Variants in VTI1A observed in about 807,000 individuals in gnomAD.
The protein encoded by VTI1A is vesicle transport through interaction with t-SNAREs homolog 1A.
VTI1A carries 22 observed loss-of-function variants against 34.9 expected under a neutral mutation model. That is an observed-to-expected ratio of 0.63 (90% CI 0.45 to 0.90). The LOEUF is 0.90. VTI1A is among the 40% of genes least tolerant of loss of function. The probability of loss-of-function intolerance (pLI) is 0.00; values close to 1 mark genes in which losing one functional copy is unlikely to be tolerated. For synonymous variants in VTI1A, 87 were observed against 97.3 expected (o/e 0.89, Z 0.62); for missense variants, 268 against 275.6 (o/e 0.97, Z 0.20).
At chr10:112,453,384 A>G (rs1169844788) in intron 1 of VTI1A, among the ~76,000 whole-genome samples, 1 of 152,226 alleles carries the variant, frequency 6.6e-6, no homozygotes, top group East Asian at 1.9e-4. Flanking sequence ...TGCATAGCCT[A>G]TACTTAAGGA....
At chr10:112,830,849 A>ATATATATATTTTTTTT in the VTI1A span, among the ~76,000 whole-genome samples, 19 of 33,490 alleles carry the variant, frequency 5.7e-4, no homozygotes, top group African/African-American at 2.2e-3. Flanking sequence ...ATATATATAT[A>ATATATATATTTTTTTT]TTTTTTTTTT....
chr10:112,689,019 A>G (rs1185792090), intron 7 of VTI1A, among the ~76,000 whole-genome samples: 2 of 152,160 alleles, frequency 1.3e-5, no homozygotes, highest in African/African-American at 2.4e-5. Flanking sequence ...TCAGCCTGGT[A>G]TTTAAGAGCA....
At chr10:112,732,863 T>C (rs992828476) in intron 7 of VTI1A, among the ~76,000 whole-genome samples, 4 of 152,194 alleles carry the variant, frequency 2.6e-5, no homozygotes, top group East Asian at 3.9e-4. Flanking sequence ...CCCTCTGATA[T>C]GTTTTCACAT....
intron 7 of VTI1A, among the ~76,000 whole-genome samples, chr10:112,724,895 C>G (rs899910467): frequency 1.3e-5 from 2 of 151,940 alleles, no homozygotes; most frequent in African/African-American, 4.8e-5. Flanking sequence ...TCAACAGCTA[C>G]CAACATGTCA....
At chr10:112,568,598 G>C (rs1373634232) in intron 5 of VTI1A, among the ~76,000 whole-genome samples, 1 of 152,106 alleles carries the variant, frequency 6.6e-6, no homozygotes, top group African/African-American at 2.4e-5. Context: ...GAAGTGTTCT[G>C]TAAATGATAG....
chr10:112,623,367 G>A (rs956398650), intron 5 of VTI1A, among the ~76,000 whole-genome samples: 2 of 151,662 alleles, frequency 1.3e-5, no homozygotes, highest in African/African-American at 4.8e-5. Flanking sequence ...GCCCCAAAAA[G>A]TCAGGGCATG....
At chr10:112,563,882 G>T (rs1196694952) in intron 5 of VTI1A, among the ~76,000 whole-genome samples, 2 of 151,994 alleles carry the variant, frequency 1.3e-5, no homozygotes, top group Non-Finnish European at 2.9e-5. Flanking sequence ...GTAGTTTTTG[G>T]ACAAAAACAT....
At chr10:112,460,285 T>A (rs1398806965) in intron 1 of VTI1A, among the ~76,000 whole-genome samples, 1 of 152,176 alleles carries the variant, frequency 6.6e-6, no homozygotes, top group Non-Finnish European at 1.5e-5. Flanking sequence ...TAAAAATAGG[T>A]CTCTCTTAAA....
intron 5 of VTI1A, among the ~76,000 whole-genome samples, chr10:112,624,517 G>T (rs186712320): frequency 6.6e-6 from 1 of 151,782 alleles, no homozygotes; most frequent in African/African-American, 2.4e-5. Context: ...TACCTGGGAA[G>T]GTTTTTTAAT....
At chr10:112,594,485 T>C (rs952527344) in intron 5 of VTI1A, among the ~76,000 whole-genome samples, 1 of 151,976 alleles carries the variant, frequency 6.6e-6, no homozygotes, top group Non-Finnish European at 1.5e-5. Flanking sequence ...AAAATCAATG[T>C]ACAAAAATCA....
chr10:112,849,400 C>T, the VTI1A span, among the ~76,000 whole-genome samples: 1,159 of 152,250 alleles, frequency 7.6e-3, 11 homozygotes, highest in Non-Finnish European at 0.01. Context: ...TTTGTGGAGA[C>T]GACCCCTCTA....
At chr10:112,669,208 AG>A (rs1847757708) in intron 7 of VTI1A, among the ~76,000 whole-genome samples, 1 of 152,158 alleles carries the variant, frequency 6.6e-6, no homozygotes, top group African/African-American at 2.4e-5. Context: ...GGCTTGAGCT[AG>A]GGGGGTAACC....
intron 7 of VTI1A, among the ~76,000 whole-genome samples, chr10:112,802,362 C>T (rs751427863): frequency 6.6e-6 from 1 of 152,030 alleles, no homozygotes; most frequent in Non-Finnish European, 1.5e-5. Flanking sequence ...CTAAGACACA[C>T]GATTATATAA....
chr10:112,685,344 C>T (rs2133867371), intron 7 of VTI1A, among the ~76,000 whole-genome samples: 1 of 152,004 alleles, frequency 6.6e-6, no homozygotes, highest in African/African-American at 2.4e-5. Flanking sequence ...TCTTCTTTTT[C>T]TTCTCATTTA....
chr10:112,761,219 C>T (rs545819041), intron 7 of VTI1A, among the ~76,000 whole-genome samples: 1 of 152,258 alleles, frequency 6.6e-6, no homozygotes, highest in African/African-American at 2.4e-5. Context: ...CAATGCCATG[C>T]CCATGTTTGC....
rs71035396 is a variant in VTI1A, at chr10:112,662,922, T to TACAAACAA, written c.428-5274_428-5267dup. Among the ~76,000 whole-genome samples the TACAAACAA allele has an allele frequency of 6.1e-4, 65 of 106,136 alleles. No homozygotes were observed. The East Asian group carries it at 0.02, about 32-fold the overall frequency. The allele number at this position is 106,136 out of a possible 152,430, so 69.6% of individuals were successfully genotyped here. On this transcript the variant is annotated intron_variant, in intron 5 of 7. Transcript: ENST00000393077. ...CCCAACCTGTGTTTATGCTTCTTCT[T>TACAAACAA]ACAAACAAACAAACAAACAAACAAA... is the stretch of plus-strand genomic sequence containing the variant.
At chr10:112,638,268 A>G (rs1462654311) in intron 5 of VTI1A, among the ~76,000 whole-genome samples, 1 of 152,232 alleles carries the variant, frequency 6.6e-6, no homozygotes, top group Non-Finnish European at 1.5e-5. Context: ...GCAAAGCTTT[A>G]CATGGGAGGG....
intron 5 of VTI1A, among the ~76,000 whole-genome samples, chr10:112,546,777 G>A (rs978628368): frequency 9.9e-5 from 15 of 152,012 alleles, no homozygotes; most frequent in Admixed American, 3.9e-4. Flanking sequence ...TACCAATGCC[G>A]TGTGTTTTCA....
At chr10:112,655,641 T>C (rs553808292) in intron 5 of VTI1A, among the ~76,000 whole-genome samples, 8 of 152,312 alleles carry the variant, frequency 5.3e-5, no homozygotes, top group Non-Finnish European at 8.8e-5. Flanking sequence ...GAAATCAGCC[T>C]GACTACAACT....
Sources: gnomAD v4.1 joint callset for allele counts (sites outside exome capture counted in the v4.1 genomes callset) on GRCh38, gnomAD v4.1.1 for gene constraint, MANE v1.5 for transcripts, NCBI Gene and HGNC (gene_info 2026-07-23, HGNC 2026-07-21) for gene names.